Variants in KARS1 observed in about 807,000 individuals in gnomAD.
KARS1 encodes lysyl-tRNA synthetase 1, also known as lysine--tRNA ligase.
A neutral mutation model predicts 63.9 loss-of-function variants in KARS1; 50 were observed. The ratio of observed to expected loss-of-function variants is 0.78; its 90% CI spans 0.62 to 0.99. KARS1 has a LOEUF of 0.99. KARS1 is among the 50% of genes least tolerant of loss of function. The probability of loss-of-function intolerance (pLI) is 0.00; values close to 1 mark genes in which losing one functional copy is unlikely to be tolerated. For synonymous variants in KARS1, 320 were observed against 264.6 expected (o/e 1.21, Z -2.03); for missense variants, 816 against 754.5 (o/e 1.08, Z -0.95).
chr16:75,639,571 C>A (rs1285183618), intron 3 of KARS1, among the ~76,000 whole-genome samples: 1,026 of 79,124 alleles, frequency 0.013, no homozygotes, highest in East Asian at 0.067. Context: ...GACTATATCT[C>A]AAAAAAAAAA....
Position 75,631,486 on chromosome 16 carries a change from G to C in KARS1, c.1182C>G (p.Ile394Met). 6.2e-7 allele frequency: 1 copy of C among 1,614,180 alleles called. No homozygotes were observed. Among genetic ancestry groups the C allele is most frequent in the Non-Finnish European group, 8.5e-7 (1 of 1,180,016 alleles). Reference sequence around the variant, plus strand: ...CTTTCTCAAGCTCTTCTACCATGTTGATTCGCCGGAAGGGTGGGGTGAAGT... The same window carrying C: ...CTTTCTCAAGCTCTTCTACCATGTTCATTCGCCGGAAGGGTGGGGTGAAGT... ...DVDFTPPFRRINMVEELEKAL... is the reference protein window; with the variant it reads ...DVDFTPPFRRMNMVEELEKAL... The change falls in exon 9 of 14, where the codon ATC becomes ATG. Residue 394 changes from isoleucine to methionine, a missense_variant. Ile to Met is a conservative substitution (Grantham distance 10). Coordinates refer to ENST00000302445, the MANE Select transcript of KARS1 (RefSeq NM_005548.3).
chr16:75,628,964 T>C (rs1232818695), intron 12 of KARS1: 1 of 542,212 alleles, frequency 1.8e-6, no homozygotes, highest in Non-Finnish European at 3.3e-6. Flanking sequence ...CTTCTGCTGC[T>C]TGGGGCTCTG....
chr16:75,627,750 A>T lies in KARS1; in HGVS notation c.*145T>A. ...TATTTGGTAACAGGATTAAAAAGAA[A>T]TTTTTAATTCCTTGTCTCTCTTCTG... On this transcript the variant is annotated 3_prime_UTR_variant, in exon 14 of 14. Transcript: ENST00000302445. 2 of 681,160 alleles carry T rather than the reference A, an allele frequency of 2.9e-6. No homozygotes were observed. Among genetic ancestry groups the T allele is most frequent in the African/African-American group, 1.8e-5 (1 of 55,478 alleles). The allele number at this position is 681,160 out of a possible 1,614,324, so 42.2% of individuals were successfully genotyped here.
At chr16:75,635,462 A>C in intron 6 of KARS1, 1 of 568,180 alleles carries the variant, frequency 1.8e-6, no homozygotes, top group Non-Finnish European at 3.2e-6. Context: ...CATCATTAGC[A>C]TGTGGATGGC....
intron 7 of KARS1, 200 bp downstream of exon 7, chr16:75,633,973 G>T: frequency 1.6e-6 from 1 of 634,818 alleles, no homozygotes; most frequent in Non-Finnish European, 2.9e-6. Context: ...CAACCCCTTT[G>T]GTCTCTGCCC....
At chr16:75,633,572 C>T (rs2151803701) in intron 7 of KARS1, among the ~76,000 whole-genome samples, 1 of 146,214 alleles carries the variant, frequency 6.8e-6, no homozygotes, top group South Asian at 2.1e-4. Flanking sequence ...GGCTGGAGTG[C>T]AGTTGCAGGA....
At chr16:75,640,522 A>T (rs1259908659) in intron 2 of KARS1, among the ~76,000 whole-genome samples, 173 bp from the exon 3 acceptor site, 1 of 152,234 alleles carries the variant, frequency 6.6e-6, no homozygotes, top group Non-Finnish European at 1.5e-5. Context: ...CACTTAAAAT[A>T]TGCAGGGCGG....
chr16:75,636,936 G>A (rs1044646913), intron 3 of KARS1, among the ~76,000 whole-genome samples: 4 of 146,238 alleles, frequency 2.7e-5, no homozygotes, highest in African/African-American at 1.0e-4. Context: ...CCCCACACCC[G>A]GCCTGCATTT....
chr16:75,644,485 G>A, intron 1 of KARS1: 1 of 1,542,474 alleles, frequency 6.5e-7, no homozygotes, highest in Non-Finnish European at 8.8e-7. Flanking sequence ...ACAGAGATGT[G>A]GTGTCAGATG....
chr16:75,635,508 T>C lies in KARS1; in HGVS notation c.795+172A>G, dbSNP rs963508010. 5 of 753,240 alleles carry C rather than the reference T, an allele frequency of 6.6e-6. No homozygotes were observed. The African/African-American group carries it at 6.9e-5, about 10-fold the overall frequency. 46.7% of individuals were successfully genotyped at this position (753,240 alleles called of 1,614,324 possible). ...GTCCATTATCTTGGAAGTCAGGTCC[T>C]GCCTTCCTAATCAGGACAAGGTAGA... On this transcript the variant is annotated intron_variant, in intron 6 of 13. Coordinates refer to ENST00000302445, the MANE Select transcript of KARS1 (RefSeq NM_005548.3).
chr16:75,630,826 G>C (rs949640323), intron 10 of KARS1, among the ~76,000 whole-genome samples: 5 of 151,874 alleles, frequency 3.3e-5, no homozygotes, highest in Non-Finnish European at 5.9e-5. Context: ...GTAGAGACAG[G>C]GTTTCACCAT....
At chr16:75,631,881 A>G (rs1039041573) in intron 7 of KARS1, 26 bp from the exon 8 acceptor site, 5 of 1,612,672 alleles carry the variant, frequency 3.1e-6, no homozygotes, top group African/African-American at 1.3e-5. Flanking sequence ...GGCCACGGTC[A>G]TGACAGCTAA....
intron 6 of KARS1, among the ~76,000 whole-genome samples, chr16:75,635,124 C>T (rs2082148875): frequency 6.6e-6 from 1 of 152,116 alleles, no homozygotes; most frequent in South Asian, 2.1e-4. Context: ...AAAGCAGGTC[C>T]ATCACAATAC....
At chr16:75,642,063 T>A (rs2082230885) in intron 1 of KARS1, among the ~76,000 whole-genome samples, 1 of 152,188 alleles carries the variant, frequency 6.6e-6, no homozygotes. Flanking sequence ...GAGAAAAGGT[T>A]TTCTAGAAAA....
chr16:75,631,893 CTTTTT>C, intron 7 of KARS1, 38 bp from the exon 8 acceptor site: 3 of 1,261,898 alleles, frequency 2.4e-6, no homozygotes, highest in Non-Finnish European at 3.3e-6. Context: ...GACAGCTAAT[CTTTTT>C]TTTTTTGAGA....
Position 75,631,714 on chromosome 16 carries a change from T to C in KARS1, c.1057A>G (p.Ile353Val), listed in dbSNP as rs1253016963. Residue 353 changes from isoleucine to valine, a missense_variant, in exon 8 of 14, where the codon ATC (isoleucine) becomes GTC (valine). Physicochemically the swap from Ile to Val is conservative, Grantham distance 29. Coordinates refer to ENST00000302445, the MANE Select transcript of KARS1 (RefSeq NM_005548.3). ...AYADYHDLMEITEKMVSGMVK... is the reference protein window; with the variant it reads ...AYADYHDLMEVTEKMVSGMVK... ...TCACCTGAAACCATCTTCTCCGTGA[T>C]TTCCATGAGATCGTGATAGTCTGCA... 3 of 1,614,204 alleles carry C rather than the reference T, an allele frequency of 1.9e-6. No individual in the cohort carries two copies. Among genetic ancestry groups the C allele is most frequent in the Non-Finnish European group, 2.5e-6 (3 of 1,180,036 alleles).
Position 75,647,462 on chromosome 16 carries a change from A to T in KARS1, c.62+116T>A, listed in dbSNP as rs986893759. 39 of 948,268 alleles carry T rather than the reference A, an allele frequency of 4.1e-5. No individual in the cohort carries two copies. In the African/African-American group the frequency reaches 5.2e-4, roughly 13 times the overall value. The allele number at this position is 948,268 out of a possible 1,614,324, so 58.7% of individuals were successfully genotyped here. On this transcript the variant is annotated intron_variant, in intron 1 of 13. Transcript: ENST00000302445. ...AGCCACCACGTCTCAGCATGTGCGTACCCACGAGAGCCGGCAAGAAGGCCC... is the reference window on the plus strand; with the variant it reads ...AGCCACCACGTCTCAGCATGTGCGTTCCCACGAGAGCCGGCAAGAAGGCCC...
At chr16:75,642,586 G>A (rs554265504) in intron 1 of KARS1, among the ~76,000 whole-genome samples, 1 of 152,144 alleles carries the variant, frequency 6.6e-6, no homozygotes, top group East Asian at 1.9e-4. Context: ...AGTGAGTTAG[G>A]ATGATAGTAA....
chr16:75,640,416 A>C (rs2082211502), intron 2 of KARS1, 67 bp from the exon 3 acceptor site: 2 of 1,472,348 alleles, frequency 1.4e-6, no homozygotes, highest in African/African-American at 2.8e-5. Flanking sequence ...GGGCCCACCT[A>C]GCAGAGGGCA....
Sources: allele counts gnomAD v4.1 joint callset (sites outside exome capture counted in the v4.1 genomes callset), GRCh38; gene constraint gnomAD v4.1.1; transcripts MANE v1.5; gene names NCBI Gene and HGNC (gene_info 2026-07-23, HGNC 2026-07-21).